GABRA1: variants seen among roughly 807,000 people sequenced by gnomAD.
The protein encoded by GABRA1 is gamma-aminobutyric acid type A receptor subunit alpha1.
Under a neutral mutation model 48.9 loss-of-function variants are expected in GABRA1, and 9 were observed. The observed-to-expected ratio is 0.18, with a 90% confidence interval of 0.11 to 0.32. GABRA1 has a LOEUF of 0.32. GABRA1 is among the 10% of genes least tolerant of loss of function. The pLI, the probability that GABRA1 is intolerant of heterozygous loss-of-function variation, is 1.00. For synonymous variants in GABRA1, 210 were observed against 198.7 expected, an observed-to-expected ratio of 1.06 and a Z score of -0.48; for missense variants, 285 against 553.8, an observed-to-expected ratio of 0.51 and a Z score of 4.87.
chr5:161,892,669 TAAAAC>T (rs938014937), intron 8 of GABRA1, among the ~76,000 whole-genome samples: 2 of 94,756 alleles, frequency 2.1e-5, no homozygotes, highest in African/African-American at 3.1e-5. Flanking sequence ...ACTAGGAAAT[TAAAAC>T]AAACAAACAA....
intron 5 of GABRA1, among the ~76,000 whole-genome samples, chr5:161,874,864 A>G (rs531157789): frequency 7.2e-4 from 109 of 152,148 alleles, no homozygotes; most frequent in Non-Finnish European, 1.4e-3. Context: ...ATTTCAGTGA[A>G]CTTCTTTCTT....
chr5:161,888,804 C>G, intron 7 of GABRA1, among the ~76,000 whole-genome samples: 1 of 152,048 alleles, frequency 6.6e-6, no homozygotes, highest in South Asian at 2.1e-4. Flanking sequence ...TAGAGGAACA[C>G]ACAGAAAATA....
chr5:161,884,891 T>A (rs1754776937), intron 7 of GABRA1, among the ~76,000 whole-genome samples: 1 of 152,114 alleles, frequency 6.6e-6, no homozygotes, highest in East Asian at 1.9e-4. Flanking sequence ...TTAGTCAAAA[T>A]AATGGAGGCC....
At chr5:161,895,243 TG>T (rs1581219677) in intron 8 of GABRA1, among the ~76,000 whole-genome samples, 1 of 152,118 alleles carries the variant, frequency 6.6e-6, no homozygotes, top group Admixed American at 6.6e-5. Context: ...TTTACATATT[TG>T]GGGTACATAG....
rs959218868 is a variant in GABRA1, at chr5:161,899,600, A to G, written c.*2178A>G. ...CTATCATTTCTCAGTTTGTTAGTAT[A>G]TGTGGATAGTATTCTACTGTATAAA... On this transcript the variant is annotated 3_prime_UTR_variant, in exon 10 of 10. Transcript: ENST00000393943. 1.3e-5 allele frequency: 2 copies of G among 152,152 alleles called. No homozygotes were observed. The highest frequency in any genetic ancestry group is 3.8e-4 in the East Asian group (2 of 5,196). The allele number at this position is 152,152 out of a possible 1,614,324, so 9.4% of individuals were successfully genotyped here. A position where few individuals can be genotyped will look rare whatever the true frequency, so the allele number is the denominator to read the frequency against.
At chr5:161,881,203 C>T (rs1313391594) in intron 6 of GABRA1, among the ~76,000 whole-genome samples, 2 of 152,108 alleles carry the variant, frequency 1.3e-5, no homozygotes, top group Admixed American at 6.6e-5. Flanking sequence ...ACTATGATGC[C>T]TCCCCCTCAA....
At chr5:161,865,384 G>T (rs368018899) in intron 3 of GABRA1, among the ~76,000 whole-genome samples, 78 of 152,186 alleles carry the variant, frequency 5.1e-4, no homozygotes, top group African/African-American at 1.7e-3. Context: ...TTAAGCTTAA[G>T]CTATACCAAC....
chr5:161,865,293 A>G (rs539147561), intron 3 of GABRA1, among the ~76,000 whole-genome samples: 1 of 152,282 alleles, frequency 6.6e-6, no homozygotes, highest in East Asian at 1.9e-4. Flanking sequence ...TACAGAGTTA[A>G]TAACGCTTGC....
rs1194647941 is a variant in GABRA1 at position 161,882,711 on chromosome 5, A to G, written c.703+10A>G. 2 of 1,611,806 alleles carry G rather than the reference A, an allele frequency of 1.2e-6. No homozygotes were observed. Among genetic ancestry groups the G allele is most frequent in the African/African-American group, 1.3e-5 (1 of 74,852 alleles). ...GTCCAGTCAAGTACAGGTAAGTACGATTTTGTTACTTCAGTTATGGAGGAA... is the reference window on the plus strand; with the variant it reads ...GTCCAGTCAAGTACAGGTAAGTACGGTTTTGTTACTTCAGTTATGGAGGAA... On this transcript the variant is annotated intron_variant, in intron 7 of 9. Transcript: ENST00000393943.
At chr5:161,870,946 C>CTG (rs59726286) in intron 4 of GABRA1, among the ~76,000 whole-genome samples, 4,470 of 141,378 alleles carry the variant, frequency 0.032, 145 homozygotes, top group African/African-American at 0.078. Flanking sequence ...GAGTGTTGCT[C>CTG]TGTGTGTGTG....
At chr5:161,853,926 A>T (rs1757544678) in intron 2 of GABRA1, among the ~76,000 whole-genome samples, 1 of 151,856 alleles carries the variant, frequency 6.6e-6, no homozygotes, top group African/African-American at 2.4e-5. Context: ...AAGTAAACAG[A>T]CAGAAGTCAT....
chr5:161,882,818 G>A (rs1754674850), intron 7 of GABRA1, 117 bp downstream of exon 7: 1 of 1,047,710 alleles, frequency 9.5e-7, no homozygotes, highest in Non-Finnish European at 1.4e-6. Flanking sequence ...ACTAAATTGG[G>A]CATCAGTTGA....
intron 7 of GABRA1, among the ~76,000 whole-genome samples, chr5:161,887,077 C>T (rs1754881569): frequency 6.6e-6 from 1 of 152,082 alleles, no homozygotes; most frequent in South Asian, 2.1e-4. Context: ...TAATGCCATG[C>T]AATGTTTTAA....
intron 6 of GABRA1, among the ~76,000 whole-genome samples, chr5:161,881,250 T>C (rs182397473): frequency 1.6e-3 from 239 of 152,246 alleles, no homozygotes; most frequent in Non-Finnish European, 2.5e-3. Context: ...TAAAGTGATA[T>C]TTTCTTTAAT....
intron 5 of GABRA1, among the ~76,000 whole-genome samples, chr5:161,873,822 A>G (rs973142789): frequency 3.3e-5 from 5 of 152,182 alleles, no homozygotes; most frequent in Non-Finnish European, 5.9e-5. Flanking sequence ...ACGAGAATAT[A>G]GATACTATTA....
At chr5:161,873,708 A>G (rs1418783695) in intron 5 of GABRA1, among the ~76,000 whole-genome samples, 2 of 152,172 alleles carry the variant, frequency 1.3e-5, no homozygotes. Flanking sequence ...ATGAAGTAAT[A>G]AAAAACAAAA....
At position 161,897,399 on chromosome 5, in the gene GABRA1, A is replaced by C. The variant is rs1340475350; in HGVS notation, c.1348A>C (p.Lys450Gln). ...ATYLNREPQL[K>Q]APTPHQ ...GTATTTAAACAGAGAGCCTCAGCTA[A>C]AAGCCCCCACACCACATCAATAGAT... Residue 450 changes from lysine (K) to glutamine (Q), a missense_variant, in exon 10 of 10, where the codon AAA becomes CAA. By Grantham distance (53) the Lys-to-Gln change is moderately conservative. This residue lies in a region of GABRA1 where 16 missense variants were observed against 16.5 expected (regional missense o/e 0.97). Transcript: ENST00000393943. 6.2e-7 allele frequency: 1 copy of C among 1,614,140 alleles called. No homozygotes were observed.
chr5:161,895,564 T>C (rs1755323392), intron 8 of GABRA1, 102 bp from the exon 9 acceptor site: 9 of 1,060,872 alleles, frequency 8.5e-6, no homozygotes, highest in Non-Finnish European at 1.3e-5. Context: ...CCACATTCTG[T>C]CATGATACTG....
At chr5:161,895,951 T>G in intron 9 of GABRA1, 83 bp downstream of exon 9, 2 of 1,109,654 alleles carry the variant, frequency 1.8e-6, no homozygotes, top group Non-Finnish European at 2.8e-6. Context: ...CCTGTGGTAT[T>G]GGATGGAGTA....
Sources: allele counts gnomAD v4.1 joint callset (sites outside exome capture counted in the v4.1 genomes callset), GRCh38; gene constraint gnomAD v4.1.1; regional missense constraint gnomAD v4.1.1; transcripts MANE v1.5; gene names NCBI Gene and HGNC (gene_info 2026-07-23, HGNC 2026-07-21).